Variants in ADGRB3 observed in about 807,000 individuals in gnomAD.
ADGRB3 encodes brain-specific angiogenesis inhibitor 3.
A neutral mutation model predicts 193.4 loss-of-function variants in ADGRB3; 37 were observed. The ratio of observed to expected loss-of-function variants is 0.19; its 90% CI spans 0.15 to 0.25. The LOEUF (loss-of-function observed/expected upper bound fraction) is 0.25. ADGRB3 is among the 10% of genes least tolerant of loss of function. The pLI is 1.00. For missense variants in ADGRB3, 1,637 were observed against 1,852.9 expected (o/e 0.88, Z 2.14); for synonymous variants, 690 against 644.2 (o/e 1.07, Z -1.08).
At chr6:68,767,561 A>G (rs1389301886) in intron 3 of ADGRB3, among the ~76,000 whole-genome samples, 1 of 152,202 alleles carries the variant, frequency 6.6e-6, no homozygotes, top group East Asian at 1.9e-4. Context: ...AGAGCTATTT[A>G]TGACACACCC....
At chr6:69,126,991 G>A (rs1773870657) in intron 17 of ADGRB3, among the ~76,000 whole-genome samples, 1 of 152,202 alleles carries the variant, frequency 6.6e-6, no homozygotes, top group African/African-American at 2.4e-5. Context: ...ATATACCTAA[G>A]GGTATAGGAA....
chr6:69,233,589 T>TCTATAACTAA (rs1766200353), intron 18 of ADGRB3, among the ~76,000 whole-genome samples, 173 bp downstream of exon 18: 1 of 152,226 alleles, frequency 6.6e-6, no homozygotes, highest in Non-Finnish European at 1.5e-5. Flanking sequence ...TAGTTGGTAT[T>TCTATAACTAA]CTATAACTAA....
At chr6:69,030,747 T>C (rs1770619265) in intron 13 of ADGRB3, among the ~76,000 whole-genome samples, 1 of 152,158 alleles carries the variant, frequency 6.6e-6, no homozygotes, top group South Asian at 2.1e-4. Flanking sequence ...GCACATGTAT[T>C]GCAGAACTTA....
intron 17 of ADGRB3, among the ~76,000 whole-genome samples, chr6:69,161,881 G>A (rs1774999643): frequency 6.6e-6 from 1 of 152,102 alleles, no homozygotes; most frequent in African/African-American, 2.4e-5. Context: ...ATGGCAGCTG[G>A]CATCCCTCAG....
chr6:69,206,383 AT>A (rs1243619037), intron 17 of ADGRB3, among the ~76,000 whole-genome samples: 1 of 152,034 alleles, frequency 6.6e-6, no homozygotes, highest in Admixed American at 6.6e-5. Flanking sequence ...TCCTTTGGCA[AT>A]GCCCTCACAG....
intron 3 of ADGRB3, among the ~76,000 whole-genome samples, chr6:68,772,894 A>AAAAAATATATATAT (rs1466813173): frequency 8.7e-5 from 2 of 22,888 alleles, no homozygotes; most frequent in African/African-American, 3.9e-4. Context: ...AAAAAAAAAA[A>AAAAAATATATATAT]ATATATATAT....
At chr6:69,278,181 C>A (rs371466080) in intron 20 of ADGRB3, among the ~76,000 whole-genome samples, 3 of 152,266 alleles carry the variant, frequency 2.0e-5, no homozygotes, top group East Asian at 3.9e-4. Context: ...CAGAGATACA[C>A]TTAGTGATCT....
chr6:68,910,271 A>C (rs1766663695), intron 3 of ADGRB3, among the ~76,000 whole-genome samples: 1 of 151,740 alleles, frequency 6.6e-6, no homozygotes, highest in African/African-American at 2.4e-5. Context: ...TTTTCTTGTT[A>C]ATTTGTTTGA....
intron 3 of ADGRB3, among the ~76,000 whole-genome samples, chr6:68,746,426 C>CT (rs1766087155): frequency 6.6e-6 from 1 of 151,900 alleles, no homozygotes; most frequent in Admixed American, 6.6e-5. Flanking sequence ...TAGGAAGTAT[C>CT]TCACTATAAA....
At chr6:68,776,592 C>A (rs1196761143) in intron 3 of ADGRB3, among the ~76,000 whole-genome samples, 1 of 152,140 alleles carries the variant, frequency 6.6e-6, no homozygotes, top group African/African-American at 2.4e-5. Context: ...CTGACATTTG[C>A]AATTTCAGGA....
intron 3 of ADGRB3, among the ~76,000 whole-genome samples, chr6:68,825,221 C>T (rs1362172805): frequency 6.6e-6 from 1 of 151,794 alleles, no homozygotes; most frequent in African/African-American, 2.4e-5. Context: ...CTCATGGTTG[C>T]TTCTCTCCTT....
At chr6:69,124,000 T>G (rs1427959811) in intron 17 of ADGRB3, among the ~76,000 whole-genome samples, 2 of 152,176 alleles carry the variant, frequency 1.3e-5, no homozygotes, top group African/African-American at 4.8e-5. Context: ...ATTAATACCT[T>G]ACCTGAAAAT....
At chr6:69,220,576 T>C (rs1765871178) in intron 17 of ADGRB3, among the ~76,000 whole-genome samples, 1 of 152,082 alleles carries the variant, frequency 6.6e-6, no homozygotes, top group Non-Finnish European at 1.5e-5. Context: ...TATTGTTATT[T>C]AAAATCTCAC....
rs547262344 is a variant in ADGRB3 at position 69,350,949 on chromosome 6, C to T, written c.3460-3284C>T. On this transcript the variant is annotated intron_variant, in intron 26 of 31. Transcript: ENST00000370598. Reference sequence around the variant, plus strand: ...AAACACGTTCAAATAGCTGTGAATGCGTTTTCCAGATACCATCTTGCCTGA... The same window carrying T: ...AAACACGTTCAAATAGCTGTGAATGTGTTTTCCAGATACCATCTTGCCTGA... Among the ~76,000 whole-genome samples the T allele has an allele frequency of 1.1e-4, 16 of 152,112 alleles. No homozygotes were observed. The South Asian group carries it at 1.2e-3, about 12-fold the overall frequency.
At chr6:69,066,050 T>A (rs1771894823) in intron 16 of ADGRB3, among the ~76,000 whole-genome samples, 1 of 151,846 alleles carries the variant, frequency 6.6e-6, no homozygotes, top group South Asian at 2.1e-4. Flanking sequence ...TATAAGATAC[T>A]TGAGCATCCA....
At chr6:68,943,500 A>G (rs898359861) in intron 5 of ADGRB3, among the ~76,000 whole-genome samples, 3 of 152,162 alleles carry the variant, frequency 2.0e-5, no homozygotes, top group Non-Finnish European at 4.4e-5. Flanking sequence ...CTATATTACT[A>G]GTTGATATTA....
At chr6:68,862,100 C>G (rs1245407640) in intron 3 of ADGRB3, among the ~76,000 whole-genome samples, 2 of 147,788 alleles carry the variant, frequency 1.4e-5, no homozygotes, top group Admixed American at 6.9e-5. Context: ...CCTGTGGAAA[C>G]TTTCCTCACT....
At chr6:68,851,576 G>T (rs1314607936) in intron 3 of ADGRB3, among the ~76,000 whole-genome samples, 1 of 151,790 alleles carries the variant, frequency 6.6e-6, no homozygotes, top group East Asian at 1.9e-4. Flanking sequence ...GGAATAGAGA[G>T]AGATTTGTTA....
chr6:69,293,239 A>T (rs1415297991), intron 20 of ADGRB3, among the ~76,000 whole-genome samples: 1 of 152,144 alleles, frequency 6.6e-6, no homozygotes, highest in African/African-American at 2.4e-5. Flanking sequence ...AATGACATTT[A>T]AAAAAATACC....
Sources: allele counts gnomAD v4.1 joint callset (sites outside exome capture counted in the v4.1 genomes callset), GRCh38; gene constraint gnomAD v4.1.1; transcripts MANE v1.5; gene names NCBI Gene and HGNC (gene_info 2026-07-23, HGNC 2026-07-21).